The following ST8SIA5 variants were observed in gnomAD, a reference collection of about 807,000 sequenced individuals.
ST8SIA5 encodes the protein alpha-2,8-sialyltransferase 8E.
ST8SIA5 carries 24 observed loss-of-function variants against 40.2 expected under a neutral mutation model. The ratio of observed to expected loss-of-function variants is 0.60; its 90% CI spans 0.43 to 0.84. The LOEUF (loss-of-function observed/expected upper bound fraction) is 0.84, where lower values mean the gene tolerates loss of function less well. Among genes scored for constraint, ST8SIA5 ranks in the 40% least tolerant of loss-of-function variants. The pLI, the probability that ST8SIA5 is intolerant of heterozygous loss-of-function variation, is 0.00. For missense variants in ST8SIA5, 465 were observed against 498.5 expected (o/e 0.93, Z 0.64); for synonymous variants, 198 against 201.8 (o/e 0.98, Z 0.16).
intron 1 of ST8SIA5, chr18:46,723,203 C>T (rs944228093): frequency 6.3e-5 from 10 of 159,574 alleles, no homozygotes; most frequent in Middle Eastern, 6.5e-4. Context: ...CCAACAGCAT[C>T]GCCCCAGAAA....
At position 46,669,794 on chromosome 18, in the gene ST8SIA5, G is replaced by T. The variant is rs933317206; in HGVS notation, c.*10248C>A. 1.3e-5 allele frequency: 2 copies of T among 152,172 alleles called. No homozygotes were observed. Among genetic ancestry groups the T allele is most frequent in the Non-Finnish European group, 2.9e-5 (2 of 68,062 alleles). The allele number at this position is 152,172 out of a possible 1,614,324, so 9.4% of individuals were successfully genotyped here. On this transcript the variant is annotated 3_prime_UTR_variant, in exon 7 of 7. Coordinates refer to ENST00000315087, the MANE Select transcript of ST8SIA5 (RefSeq NM_013305.6). ...TAAGTTCAAAAGAGTGAGTTTGGCC[G>T]GGCACGGTGGCCCACACCTATAATC... is the stretch of plus-strand genomic sequence containing the variant.
intron 2 of ST8SIA5, among the ~76,000 whole-genome samples, chr18:46,696,999 T>C (rs566433705): frequency 6.6e-6 from 1 of 151,756 alleles, no homozygotes; most frequent in African/African-American, 2.4e-5. Flanking sequence ...GAGAATCAGT[T>C]GTGAGTCTGT....
chr18:46,712,002 G>T (rs2039737575), intron 1 of ST8SIA5, among the ~76,000 whole-genome samples: 1 of 152,208 alleles, frequency 6.6e-6, no homozygotes, highest in Non-Finnish European at 1.5e-5. Context: ...CTCACACCAA[G>T]CCTGAGGGTC....
chr18:46,753,523 A>G (rs1204134408), intron 1 of ST8SIA5, among the ~76,000 whole-genome samples: 1 of 151,548 alleles, frequency 6.6e-6, no homozygotes, highest in Non-Finnish European at 1.5e-5. Flanking sequence ...CAGTGAGCTG[A>G]GATCGCGCCA....
At chr18:46,749,716 A>ATAGTTAAATACTATG (rs2040177970) in intron 1 of ST8SIA5, among the ~76,000 whole-genome samples, 1 of 152,226 alleles carries the variant, frequency 6.6e-6, no homozygotes, top group Non-Finnish European at 1.5e-5. Flanking sequence ...TAGTTTTTAA[A>ATAGTTAAATACTATG]TAGTTAAAAA....
chr18:46,702,998 A>G (rs563164672), intron 2 of ST8SIA5, among the ~76,000 whole-genome samples: 1 of 152,358 alleles, frequency 6.6e-6, no homozygotes, highest in South Asian at 2.1e-4. Flanking sequence ...GAGTCTGTGC[A>G]TGACAGTCCA....
At chr18:46,682,141 G>T in intron 5 of ST8SIA5, 77 bp from the exon 6 acceptor site, 2 of 1,106,892 alleles carry the variant, frequency 1.8e-6, no homozygotes, top group East Asian at 2.5e-5. Context: ...GGGGAGGGGA[G>T]GGATGGTGAT....
intron 1 of ST8SIA5, chr18:46,730,097 C>T (rs1159893613): frequency 2.2e-6 from 2 of 893,360 alleles, no homozygotes; most frequent in Non-Finnish European, 1.3e-6. Flanking sequence ...AGTGCCTCTC[C>T]ATCAGTCACA....
intron 1 of ST8SIA5, among the ~76,000 whole-genome samples, chr18:46,751,625 G>A (rs920348694): frequency 6.6e-6 from 1 of 152,050 alleles, no homozygotes; most frequent in Non-Finnish European, 1.5e-5. Flanking sequence ...TCGAACCCCT[G>A]ACCTCATGAT....
chr18:46,702,836 G>T (rs768289081), intron 2 of ST8SIA5, among the ~76,000 whole-genome samples: 1 of 152,256 alleles, frequency 6.6e-6, no homozygotes, highest in African/African-American at 2.4e-5. Flanking sequence ...TCAGCTCAGG[G>T]CTCAGTGAAA....
At position 46,704,587 on chromosome 18, in the gene ST8SIA5, A is replaced by T. The variant is rs1287362787; in HGVS notation, c.209T>A (p.Val70Glu). 6.2e-7 allele frequency: 1 copy of T among 1,610,738 alleles called. No individual in the cohort carries two copies. ...CCACACTCACATGGACAGCACCTTCACTTCCAATATTTCGTGCCTCAGCTC... is the reference window on the plus strand; with the variant it reads ...CCACACTCACATGGACAGCACCTTCTCTTCCAATATTTCGTGCCTCAGCTC... The part of the protein sequence containing the change: ...CLELRHEILE[V>E]KVLSMVKQSE... Residue 70 changes from valine (V) to glutamate (E), a missense_variant, in exon 2 of 7, where the codon GTG (valine) becomes GAG (glutamate). Physicochemically the swap from Val to Glu is moderately radical, Grantham distance 121. Coordinates refer to ENST00000315087, the MANE Select transcript of ST8SIA5 (RefSeq NM_013305.6).
At chr18:46,683,374 G>T (rs2039416647) in intron 5 of ST8SIA5, among the ~76,000 whole-genome samples, 1 of 152,132 alleles carries the variant, frequency 6.6e-6, no homozygotes, top group South Asian at 2.1e-4. Context: ...GAAATAAGCA[G>T]GTGTTAGCTG....
At position 46,670,953 on chromosome 18, in the gene ST8SIA5, G is replaced by A. The variant is rs1568243321; in HGVS notation, c.*9089C>T. 2.0e-5 allele frequency: 3 copies of A among 152,178 alleles called. No individual in the cohort carries two copies. Among genetic ancestry groups the A allele is most frequent in the South Asian group, 4.1e-4 (2 of 4,826 alleles). 9.4% of individuals were successfully genotyped at this position (152,178 alleles called of 1,614,324 possible). On this transcript the variant is annotated 3_prime_UTR_variant, in exon 7 of 7. Transcript: ENST00000315087. Reference sequence around the variant, plus strand: ...AATTTAAAATCAAAGCAAATGCCGTGAGATATGTGATATTAGCAAAATGGT... The same window carrying A: ...AATTTAAAATCAAAGCAAATGCCGTAAGATATGTGATATTAGCAAAATGGT...
At chr18:46,700,504 G>C (rs956651514) in intron 2 of ST8SIA5, among the ~76,000 whole-genome samples, 4 of 152,152 alleles carry the variant, frequency 2.6e-5, no homozygotes, top group African/African-American at 9.7e-5. Context: ...ATCAGAGGCC[G>C]GCCTCTGCAG....
intron 1 of ST8SIA5, among the ~76,000 whole-genome samples, chr18:46,726,015 G>GATATATATATATATCCAGGATATATAT (rs2039924956): frequency 3.2e-5 from 1 of 31,114 alleles, no homozygotes; most frequent in Non-Finnish European, 5.5e-5. Context: ...ATATATCCTG[G>GATATATATATATATCCAGGATATATAT]ATATATATAT....
chr18:46,734,082 G>A (rs186579428), intron 1 of ST8SIA5, among the ~76,000 whole-genome samples: 58 of 152,210 alleles, frequency 3.8e-4, no homozygotes, highest in African/African-American at 1.3e-3. Context: ...CAGAGAAGGT[G>A]CCAGGACCTT....
chr18:46,703,705 C>T (rs1771013930), intron 2 of ST8SIA5, among the ~76,000 whole-genome samples: 1 of 152,184 alleles, frequency 6.6e-6, no homozygotes, highest in South Asian at 2.1e-4. Flanking sequence ...TCCATCTGAG[C>T]ACCCAACATT....
chr18:46,695,475 A>G (rs2039549183), intron 2 of ST8SIA5, among the ~76,000 whole-genome samples: 1 of 152,194 alleles, frequency 6.6e-6, no homozygotes, highest in Admixed American at 6.5e-5. Flanking sequence ...GGATGTAATA[A>G]TAGTCTCTTG....
chr18:46,681,711 T>C (rs1371355399), intron 6 of ST8SIA5, among the ~76,000 whole-genome samples: 1 of 152,192 alleles, frequency 6.6e-6, no homozygotes, highest in African/African-American at 2.4e-5. Context: ...TAAGCACATA[T>C]GAAAAAATGG....
Sources: allele counts gnomAD v4.1 joint callset (sites outside exome capture counted in the v4.1 genomes callset), GRCh38; gene constraint gnomAD v4.1.1; transcripts MANE v1.5; gene names NCBI Gene and HGNC (gene_info 2026-07-23, HGNC 2026-07-21).